Variants in KHDRBS3 observed in about 807,000 individuals in gnomAD.
KHDRBS3 encodes KH RNA binding domain containing, signal transduction associated 3, also known as KH domain-containing, RNA-binding, signal transduction-associated protein 3.
A neutral mutation model predicts 45.6 loss-of-function variants in KHDRBS3; 23 were observed. That is an observed-to-expected ratio of 0.50 (90% CI 0.36 to 0.72). KHDRBS3 has a LOEUF of 0.72. KHDRBS3 is among the 30% of genes least tolerant of loss of function. The pLI is 0.00. For synonymous variants in KHDRBS3, 162 were observed against 156.5 expected (o/e 1.04, Z -0.26); for missense variants, 352 against 424.8 (o/e 0.83, Z 1.51).
chr8:135,471,653 G>T (rs954665589), intron 1 of KHDRBS3, among the ~76,000 whole-genome samples: 1 of 152,206 alleles, frequency 6.6e-6, no homozygotes, highest in African/African-American at 2.4e-5. Flanking sequence ...TCCTCACATA[G>T]TGGTAGAAAC....
intron 3 of KHDRBS3, among the ~76,000 whole-genome samples, chr8:135,544,786 A>G (rs1045770381): frequency 1.6e-4 from 25 of 152,138 alleles, no homozygotes; most frequent in African/African-American, 5.6e-4. Flanking sequence ...GGAAATCAGT[A>G]TGGTGATTCT....
chr8:135,626,775 A>G (rs182195451), intron 7 of KHDRBS3, among the ~76,000 whole-genome samples: 2,152 of 93,548 alleles, frequency 0.023, 21 homozygotes, highest in East Asian at 0.034. Context: ...CCGCACTCCA[A>G]CCTGGGAGAC....
chr8:135,470,575 C>CT (rs397962210), intron 1 of KHDRBS3, among the ~76,000 whole-genome samples: 5,045 of 141,788 alleles, frequency 0.036, 258 homozygotes, highest in African/African-American at 0.12. Flanking sequence ...GGTTTTGCTG[C>CT]TTTTTTTTTT....
chr8:135,502,160 G>A (rs148326129), intron 1 of KHDRBS3, among the ~76,000 whole-genome samples: 7 of 152,164 alleles, frequency 4.6e-5, no homozygotes, highest in East Asian at 1.9e-4. Flanking sequence ...GTCTCTTTCC[G>A]AGCTATGAAT....
At chr8:135,562,496 A>C (rs1827216625) in intron 5 of KHDRBS3, among the ~76,000 whole-genome samples, 1 of 152,190 alleles carries the variant, frequency 6.6e-6, no homozygotes, top group Non-Finnish European at 1.5e-5. Flanking sequence ...TGTTCCTTAG[A>C]AGGTATCCTC....
chr8:135,642,093 G>A (rs1187005206), intron 7 of KHDRBS3, among the ~76,000 whole-genome samples: 2 of 152,320 alleles, frequency 1.3e-5, no homozygotes, highest in Non-Finnish European at 2.9e-5. Context: ...ATGTGGGCCC[G>A]ACTTCTGTTT....
At chr8:135,480,166 A>G (rs1380771398) in intron 1 of KHDRBS3, among the ~76,000 whole-genome samples, 3 of 152,208 alleles carry the variant, frequency 2.0e-5, no homozygotes, top group Admixed American at 1.3e-4. Context: ...AACTTCTAAA[A>G]GCTGATAAAG....
rs1355066789 is a variant in KHDRBS3, at chr8:135,457,502, GGGTGCTGGCA to G, written c.-355_-346del. 6.8e-6 allele frequency: 1 copy of G among 147,282 alleles called. No individual in the cohort carries two copies. The highest frequency in any genetic ancestry group is 2.4e-5 in the African/African-American group (1 of 40,872). 9.1% of individuals were successfully genotyped at this position (147,282 alleles called of 1,614,324 possible). On this transcript the variant is annotated 5_prime_UTR_variant, in exon 1 of 9. Transcript: ENST00000355849. The surrounding 1 kb of genome is among the most constrained non-coding windows in gnomAD (Gnocchi z 4.4). ...GGCGTGCAGGTCGCAGCTGTGGCTC[GGGTGCTGGCA>G]GGTGCTGGCGGGACTGGCGGGGATC...
Position 135,603,902 on chromosome 8 carries a change from A to G in KHDRBS3, c.808-3053A>G, listed in dbSNP as rs527984871. Among the ~76,000 whole-genome samples, 6 of 151,874 alleles carry G rather than the reference A, an allele frequency of 4.0e-5. No homozygotes were observed. In the East Asian group the frequency reaches 9.7e-4, roughly 25 times the overall value. The stretch of plus-strand genomic sequence containing the variant: ...GTTCTTTTTGAGTAGTGTGCTCTAT[A>G]GATGTCGATTAGGTGTAATTGATTT... On this transcript the variant is annotated intron_variant, in intron 6 of 8. Transcript: ENST00000355849.
chr8:135,630,858 G>A (rs1488085086), intron 7 of KHDRBS3, among the ~76,000 whole-genome samples: 1 of 152,210 alleles, frequency 6.6e-6, no homozygotes, highest in African/African-American at 2.4e-5. Context: ...GTGAGTGAGT[G>A]AGTGGGTGGT....
intron 7 of KHDRBS3, among the ~76,000 whole-genome samples, chr8:135,639,815 C>G (rs1830983299): frequency 6.6e-6 from 1 of 152,144 alleles, no homozygotes; most frequent in Non-Finnish European, 1.5e-5. Context: ...ACTCACTTAT[C>G]ACCGAGGGGA....
chr8:135,630,024 A>G (rs972663500), intron 7 of KHDRBS3, among the ~76,000 whole-genome samples: 9 of 152,206 alleles, frequency 5.9e-5, no homozygotes, highest in Non-Finnish European at 5.9e-5. Context: ...GAGTGAAGAG[A>G]TGAAAGACAA....
intron 6 of KHDRBS3, among the ~76,000 whole-genome samples, chr8:135,596,697 A>G (rs1464497039): frequency 2.6e-5 from 4 of 152,262 alleles, no homozygotes; most frequent in Admixed American, 2.0e-4. Flanking sequence ...AGGAATTAAA[A>G]AATAAATGTG....
chr8:135,557,504 T>C lies in KHDRBS3; in HGVS notation c.528T>C (p.Gly176=), dbSNP rs1826945853. The C allele has an allele frequency of 6.2e-7, 1 of 1,609,360 alleles. No homozygotes were observed. Among genetic ancestry groups the C allele is most frequent in the Non-Finnish European group, 8.5e-7 (1 of 1,175,676 alleles). Residue 176 remains glycine, a synonymous_variant, in exon 5 of 9, where the codon GGT becomes GGC. Coordinates refer to ENST00000355849, the MANE Select transcript of KHDRBS3 (RefSeq NM_006558.3). ...AQLQELTYLN[G]GSENADVPVV... ...TCCAGGAGTTAACATATTTGAATGG[T>C]GGTTCAGAAAATGCAGATGTTCCAG...
At chr8:135,538,126 G>A (rs187718559) in intron 2 of KHDRBS3, among the ~76,000 whole-genome samples, 21 of 152,242 alleles carry the variant, frequency 1.4e-4, no homozygotes, top group African/African-American at 1.9e-4. Context: ...GGGGCAGTGC[G>A]ATGAATGGGT....
chr8:135,583,344 C>T (rs1204548018), intron 6 of KHDRBS3, among the ~76,000 whole-genome samples: 6 of 152,176 alleles, frequency 3.9e-5, no homozygotes, highest in Admixed American at 6.5e-5. Flanking sequence ...TCTTTGAATT[C>T]GTTACAGTTA....
At chr8:135,642,212 G>A (rs544994284) in intron 7 of KHDRBS3, among the ~76,000 whole-genome samples, 13 of 152,244 alleles carry the variant, frequency 8.5e-5, no homozygotes, top group South Asian at 2.1e-4. Flanking sequence ...GTGTCCACCC[G>A]TGGTGAGCAA....
rs544994284 is a variant in KHDRBS3, at chr8:135,642,212, G to T, written c.891-2847G>T. 2.4e-4 allele frequency among the ~76,000 whole-genome samples: 36 copies of T among 152,362 alleles called. No individual in the cohort carries two copies. In the South Asian group the frequency reaches 7.2e-3, roughly 31 times the overall value. On this transcript the variant is annotated intron_variant, in intron 7 of 8. Transcript: ENST00000355849. ...AACCAATCACATAAGGTGTCCACCCGTGGTGAGCAAAAGCCACCTGTAGCA... is the reference window on the plus strand; with the variant it reads ...AACCAATCACATAAGGTGTCCACCCTTGGTGAGCAAAAGCCACCTGTAGCA...
chr8:135,612,652 T>C (rs989152471), intron 7 of KHDRBS3, among the ~76,000 whole-genome samples: 2 of 151,946 alleles, frequency 1.3e-5, no homozygotes, highest in South Asian at 4.1e-4. Flanking sequence ...ACAGTTATAG[T>C]TCAGTATTAG....
Sources: gnomAD v4.1 joint callset for allele counts (sites outside exome capture counted in the v4.1 genomes callset) on GRCh38, gnomAD v4.1.1 for gene constraint, Gnocchi (gnomAD v3.1) non-coding constraint, MANE v1.5 for transcripts, NCBI Gene and HGNC (gene_info 2026-07-23, HGNC 2026-07-21) for gene names.